The following SGCZ variants were observed in gnomAD, a reference collection of about 807,000 sequenced individuals.
SGCZ encodes zeta-sarcoglycan.
A neutral mutation model predicts 41.3 loss-of-function variants in SGCZ; 40 were observed. That is an observed-to-expected ratio of 0.97 (90% CI 0.75 to 1.26). The LOEUF (loss-of-function observed/expected upper bound fraction) is 1.26. Among genes scored for constraint, SGCZ ranks in the 50% most tolerant of loss-of-function variants. SGCZ has a pLI of 0.00. For synonymous variants in SGCZ, 206 were observed against 137.5 expected (o/e 1.50, Z -3.49); for missense variants, 552 against 369.8 (o/e 1.49, Z -4.04).
intron 2 of SGCZ, among the ~76,000 whole-genome samples, chr8:14,344,576 C>T (rs935736790): frequency 6.6e-5 from 10 of 151,802 alleles, no homozygotes; most frequent in East Asian, 3.9e-4. Context: ...AATCTCTACA[C>T]AATGCAAAAG....
rs985244867 is a variant in SGCZ, at chr8:14,687,100, C to A, written c.40-132174G>T. ...GTACATTTTACATTATTTCAGTGGC[C>A]ATAAATGTAATTATGAAACCTTAAC... On this transcript the variant is annotated intron_variant, in intron 1 of 7. Coordinates refer to ENST00000382080, the MANE Select transcript of SGCZ (RefSeq NM_139167.4). 2.7e-5 allele frequency among the ~76,000 whole-genome samples: 4 copies of A among 149,534 alleles called. 1 individual carries two copies. Among genetic ancestry groups the A allele is most frequent in the Non-Finnish European group, 5.9e-5 (4 of 67,542 alleles).
intron 1 of SGCZ, among the ~76,000 whole-genome samples, chr8:15,224,641 A>T (rs528019721): frequency 7.9e-5 from 12 of 152,200 alleles, no homozygotes; most frequent in Non-Finnish European, 1.3e-4. Context: ...GCAAAGCATT[A>T]TCCAAACGGA....
chr8:14,468,706 A>C (rs1801124137), intron 2 of SGCZ, among the ~76,000 whole-genome samples: 1 of 152,038 alleles, frequency 6.6e-6, no homozygotes, highest in Non-Finnish European at 1.5e-5. Context: ...AGTTCATGCA[A>C]ATTTTTAGAG....
intron 1 of SGCZ, among the ~76,000 whole-genome samples, chr8:14,593,683 A>G (rs574696605): frequency 6.6e-6 from 1 of 152,314 alleles, no homozygotes; most frequent in East Asian, 1.9e-4. Flanking sequence ...TAATTATTAA[A>G]CAAAATCAAA....
At chr8:14,799,102 T>G (rs936148176) in intron 1 of SGCZ, among the ~76,000 whole-genome samples, 3 of 151,972 alleles carry the variant, frequency 2.0e-5, no homozygotes, top group African/African-American at 7.2e-5. Context: ...ATTTTTTAAC[T>G]GTACTTTCAG....
chr8:15,185,236 G>A (rs757768796), intron 1 of SGCZ, among the ~76,000 whole-genome samples: 7 of 152,182 alleles, frequency 4.6e-5, no homozygotes, highest in Non-Finnish European at 8.8e-5. Flanking sequence ...GTCTTCTGCA[G>A]GATACTCCTG....
chr8:14,145,101 T>C (rs184234820), intron 5 of SGCZ, among the ~76,000 whole-genome samples: 1 of 152,168 alleles, frequency 6.6e-6, no homozygotes, highest in Non-Finnish European at 1.5e-5. Flanking sequence ...GCTTTGCCAA[T>C]GGCTGAGAGA....
At chr8:14,936,916 C>T (rs1800101600) in intron 1 of SGCZ, among the ~76,000 whole-genome samples, 1 of 151,646 alleles carries the variant, frequency 6.6e-6, no homozygotes, top group Admixed American at 6.6e-5. Context: ...TTAAACTTTA[C>T]TACACTAAAG....
At chr8:15,042,327 T>C (rs1804133068) in intron 1 of SGCZ, among the ~76,000 whole-genome samples, 1 of 152,178 alleles carries the variant, frequency 6.6e-6, no homozygotes, top group South Asian at 2.1e-4. Flanking sequence ...CCACAGCCTC[T>C]GTGTCAGCTC....
At chr8:14,177,135 G>T (rs1385351620) in intron 4 of SGCZ, among the ~76,000 whole-genome samples, 2 of 152,136 alleles carry the variant, frequency 1.3e-5, no homozygotes, top group African/African-American at 2.4e-5. Context: ...CCTGTGGGGT[G>T]GAGTTGCCTC....
chr8:14,567,856 T>C (rs1313363795), intron 1 of SGCZ, among the ~76,000 whole-genome samples: 1 of 152,030 alleles, frequency 6.6e-6, no homozygotes, highest in African/African-American at 2.4e-5. Flanking sequence ...GCAGCTTCAC[T>C]CCTGAGCCAG....
At chr8:14,814,164 T>A (rs1039590541) in intron 1 of SGCZ, among the ~76,000 whole-genome samples, 1 of 152,130 alleles carries the variant, frequency 6.6e-6, no homozygotes, top group Non-Finnish European at 1.5e-5. Context: ...ATTAATAAGT[T>A]ACAGAATAGA....
chr8:14,941,075 C>G (rs1037308986), intron 1 of SGCZ, among the ~76,000 whole-genome samples: 4 of 151,930 alleles, frequency 2.6e-5, no homozygotes, highest in African/African-American at 9.7e-5. Context: ...TTTTACCTAG[C>G]ATTAGGCAAA....
At chr8:14,584,173 C>T (rs945331659) in intron 1 of SGCZ, among the ~76,000 whole-genome samples, 3 of 152,002 alleles carry the variant, frequency 2.0e-5, no homozygotes, top group African/African-American at 7.2e-5. Context: ...GGAATAACTA[C>T]TAGGTGTTAG....
At chr8:15,230,069 G>C (rs199872506) in intron 1 of SGCZ, among the ~76,000 whole-genome samples, 3 of 151,846 alleles carry the variant, frequency 2.0e-5, no homozygotes, top group East Asian at 3.9e-4. Flanking sequence ...TGTGCATGAA[G>C]AGATGTGAAG....
chr8:14,968,794 G>C (rs1307596127), intron 1 of SGCZ, among the ~76,000 whole-genome samples: 2 of 152,060 alleles, frequency 1.3e-5, no homozygotes, highest in Non-Finnish European at 2.9e-5. Context: ...TAAATTTTGT[G>C]ATTTGACTTG....
chr8:14,146,170 A>G (rs1803514560), intron 5 of SGCZ, among the ~76,000 whole-genome samples: 1 of 152,190 alleles, frequency 6.6e-6, no homozygotes, highest in African/African-American at 2.4e-5. Context: ...TCAAAAGTCA[A>G]TGATAAAGAA....
intron 4 of SGCZ, among the ~76,000 whole-genome samples, chr8:14,203,703 A>T (rs1585228388): frequency 6.6e-6 from 1 of 152,182 alleles, no homozygotes; most frequent in Non-Finnish European, 1.5e-5. Flanking sequence ...CTTTATAGTC[A>T]AGGACCTTAT....
intron 3 of SGCZ, chr8:14,309,708 G>C: frequency 6.2e-7 from 1 of 1,608,854 alleles, no homozygotes; most frequent in Non-Finnish European, 8.5e-7. Context: ...ACAGGAGACT[G>C]AGTTAAGCAA....
Sources: gnomAD v4.1 joint callset for allele counts (sites outside exome capture counted in the v4.1 genomes callset) on GRCh38, gnomAD v4.1.1 for gene constraint, MANE v1.5 for transcripts, NCBI Gene and HGNC (gene_info 2026-07-23, HGNC 2026-07-21) for gene names.